The following RBFOX3 variants were observed in gnomAD, a reference collection of about 807,000 sequenced individuals.
The protein encoded by RBFOX3 is RNA binding protein fox-1 homolog 3.
RBFOX3 carries 17 observed loss-of-function variants against 48.7 expected under a neutral mutation model. The ratio of observed to expected loss-of-function variants is 0.35; its 90% CI spans 0.24 to 0.52. The LOEUF (loss-of-function observed/expected upper bound fraction) is 0.52, where lower values mean the gene tolerates loss of function less well. Among genes scored for constraint, RBFOX3 ranks in the 20% least tolerant of loss-of-function variants. The pLI, the probability that RBFOX3 is intolerant of heterozygous loss-of-function variation, is 0.94. For missense variants in RBFOX3, 382 were observed against 497.5 expected (o/e 0.77, Z 2.21); for synonymous variants, 212 against 209.5 (o/e 1.01, Z -0.10).
intron 1 of RBFOX3, among the ~76,000 whole-genome samples, chr17:79,604,776 G>A (rs930121534): frequency 1.3e-5 from 2 of 152,182 alleles, no homozygotes; most frequent in Non-Finnish European, 2.9e-5. Flanking sequence ...GAAACCCTAT[G>A]TCCTTTGGCT....
chr17:79,638,288 T>A, the RBFOX3 span, among the ~76,000 whole-genome samples: 1 of 135,434 alleles, frequency 7.4e-6, no homozygotes, highest in Admixed American at 7.5e-5. Flanking sequence ...TAGGTAAAAT[T>A]AACAAAACTG....
chr17:79,539,465 T>C (rs1208507182), intron 1 of RBFOX3, among the ~76,000 whole-genome samples: 2 of 152,246 alleles, frequency 1.3e-5, no homozygotes, highest in Non-Finnish European at 2.9e-5. Flanking sequence ...GGTGTAGTTT[T>C]AAGTTAAAAT....
chr17:79,103,098 G>T lies in RBFOX3; in HGVS notation c.507+64C>A. 1 of 1,248,738 alleles carries T rather than the reference G, an allele frequency of 8.0e-7. No individual in the cohort carries two copies. The allele number at this position is 1,248,738 out of a possible 1,614,324, so 77.4% of individuals were successfully genotyped here. ...CGGCAGTGGCAGGGCTGGTTGGTTG[G>T]GGGAGCTGGGGGGCAGGTGGGCGAT... On this transcript the variant is annotated intron_variant, in intron 8 of 14. Coordinates refer to ENST00000693108, the MANE Select transcript of RBFOX3 (RefSeq NM_001350451.2). The surrounding 1 kb of genome is among the most constrained non-coding windows in gnomAD (Gnocchi z 6.1).
intron 1 of RBFOX3, among the ~76,000 whole-genome samples, chr17:79,496,671 C>T (rs1324469820): frequency 6.6e-6 from 1 of 152,138 alleles, no homozygotes; most frequent in Non-Finnish European, 1.5e-5. Context: ...GAGGCCACAA[C>T]AGCATACAGA....
At chr17:79,456,876 G>T (rs2149217288) in intron 2 of RBFOX3, among the ~76,000 whole-genome samples, 1 of 152,334 alleles carries the variant, frequency 6.6e-6, no homozygotes, top group South Asian at 2.1e-4. Flanking sequence ...CACCCACTCA[G>T]CACAGGGCTG....
intron 1 of RBFOX3, among the ~76,000 whole-genome samples, chr17:79,586,623 G>A (rs1271497942): frequency 6.6e-6 from 1 of 152,196 alleles, no homozygotes; most frequent in East Asian, 1.9e-4. Flanking sequence ...CATTCTGGTA[G>A]GGCTTGTAAT....
intron 3 of RBFOX3, among the ~76,000 whole-genome samples, chr17:79,268,111 G>A (rs1354848606): frequency 2.0e-5 from 3 of 151,936 alleles, no homozygotes; most frequent in Admixed American, 2.0e-4. Flanking sequence ...TGGAGGCGGA[G>A]TAGATGCGTT....
chr17:79,273,965 G>A (rs1031921262), intron 3 of RBFOX3, among the ~76,000 whole-genome samples: 1 of 152,176 alleles, frequency 6.6e-6, no homozygotes, highest in Admixed American at 6.5e-5. Flanking sequence ...CAGGGTTGGC[G>A]ATTCAGCACA....
Position 79,089,659 on chromosome 17 carries a change from C to T in RBFOX3, c.*1224G>A, listed in dbSNP as rs1305905797. 1 of 152,612 alleles carries T rather than the reference C, an allele frequency of 6.6e-6. No homozygotes were observed. Among genetic ancestry groups the T allele is most frequent in the Non-Finnish European group, 1.5e-5 (1 of 68,048 alleles). The allele number at this position is 152,612 out of a possible 1,614,324, so 9.5% of individuals were successfully genotyped here. A position where few individuals can be genotyped will look rare whatever the true frequency, so the allele number is the denominator to read the frequency against. ...GTGAGGTGTATTTTTAAATTTTTGA[C>T]ACTTCATGAGACAGTGGAGCCACGT... On this transcript the variant is annotated 3_prime_UTR_variant, in exon 15 of 15. Coordinates refer to ENST00000693108, the MANE Select transcript of RBFOX3 (RefSeq NM_001350451.2).
In RBFOX3 at chr17:79,392,323, C is replaced by T. The variant is rs2061465864; in HGVS notation, c.-174-84499G>A. Among the ~76,000 whole-genome samples, 1 of 152,222 alleles carries T rather than the reference C, an allele frequency of 6.6e-6. No homozygotes were observed. The highest frequency in any genetic ancestry group is 2.4e-5 in the African/African-American group (1 of 41,452). ...AGTTGGCCCTGAATTCCAGCCCTGC[C>T]ACTTACTAGCTGTGTGATCCTGGGC... is the stretch of plus-strand genomic sequence containing the variant. On this transcript the variant is annotated intron_variant, in intron 2 of 14. Coordinates refer to ENST00000693108, the MANE Select transcript of RBFOX3 (RefSeq NM_001350451.2). The surrounding 1 kb of genome is among the most constrained non-coding windows in gnomAD (Gnocchi z 5.0).
intron 1 of RBFOX3, among the ~76,000 whole-genome samples, chr17:79,531,191 C>T (rs2087717626): frequency 6.6e-6 from 1 of 152,244 alleles, no homozygotes; most frequent in African/African-American, 2.4e-5. Context: ...GCCCCCAGAC[C>T]CCACTTCTCA....
rs926564881 is a variant in RBFOX3 at position 79,605,957 on chromosome 17, C to T, written c.-320+4869G>A. On this transcript the variant is annotated intron_variant, in intron 1 of 14. Coordinates refer to ENST00000693108, the MANE Select transcript of RBFOX3 (RefSeq NM_001350451.2). ...TTCCCCAAGCCGCAGCTTTCTCTAC[C>T]CACAAGGGGAACACTCCCCACAGAG... is the stretch of plus-strand genomic sequence containing the variant. Among the ~76,000 whole-genome samples, 191 of 152,324 alleles carry T rather than the reference C, an allele frequency of 1.3e-3. 1 individual carries two copies. The highest frequency in any genetic ancestry group is 3.7e-3 in the African/African-American group (154 of 41,574).
intron 3 of RBFOX3, among the ~76,000 whole-genome samples, chr17:79,273,571 G>GC (rs1429950136): frequency 6.7e-6 from 1 of 150,258 alleles, no homozygotes; most frequent in Non-Finnish European, 1.5e-5. Context: ...AGTGCTCTGG[G>GC]GGGGGCGGGG....
intron 3 of RBFOX3, among the ~76,000 whole-genome samples, chr17:79,262,303 G>A (rs1259001257): frequency 6.6e-6 from 1 of 152,204 alleles, no homozygotes; most frequent in East Asian, 1.9e-4. Context: ...GGGGGGCCCC[G>A]GACAGGGGCT....
At chr17:79,165,294 T>C (rs1408257037) in intron 4 of RBFOX3, among the ~76,000 whole-genome samples, 1 of 152,056 alleles carries the variant, frequency 6.6e-6, no homozygotes, top group African/African-American at 2.4e-5. Context: ...AAAACCCGAG[T>C]TTCTCATTTG....
At chr17:79,648,865 C>G in the RBFOX3 span, among the ~76,000 whole-genome samples, 12 of 152,324 alleles carry the variant, frequency 7.9e-5, no homozygotes, top group Non-Finnish European at 1.6e-4. Flanking sequence ...TTGCTCCAGC[C>G]TCTCCCACCC....
intron 1 of RBFOX3, among the ~76,000 whole-genome samples, chr17:79,544,456 G>T (rs1332726030): frequency 6.6e-6 from 1 of 152,072 alleles, no homozygotes; most frequent in Non-Finnish European, 1.5e-5. Context: ...TTTGGAGAAG[G>T]AGGTGACAGA....
chr17:79,142,283 G>T (rs1180310063), intron 4 of RBFOX3, among the ~76,000 whole-genome samples: 1 of 152,240 alleles, frequency 6.6e-6, no homozygotes, highest in African/African-American at 2.4e-5. Context: ...TGGGGATGGG[G>T]AGGTGGCTGC....
chr17:79,283,141 T>C (rs150731304), intron 3 of RBFOX3, among the ~76,000 whole-genome samples: 2 of 152,344 alleles, frequency 1.3e-5, no homozygotes, highest in African/African-American at 2.4e-5. Flanking sequence ...TTTTGTCATA[T>C]GGAACAGGAG....
Sources: allele counts gnomAD v4.1 joint callset (sites outside exome capture counted in the v4.1 genomes callset), GRCh38; gene constraint gnomAD v4.1.1; non-coding constraint Gnocchi (gnomAD v3.1); transcripts MANE v1.5; gene names NCBI Gene and HGNC (gene_info 2026-07-23, HGNC 2026-07-21).